Variants in CA1 observed in about 807,000 individuals in gnomAD.
CA1 encodes the protein carbonate dehydratase I.
CA1 carries 27 observed loss-of-function variants against 28.8 expected under a neutral mutation model. The observed-to-expected ratio is 0.94, with a 90% confidence interval of 0.69 to 1.29. The LOEUF (loss-of-function observed/expected upper bound fraction) is 1.29, where lower values mean the gene tolerates loss of function less well. Among genes scored for constraint, CA1 ranks in the 50% most tolerant of loss-of-function variants. The pLI is 0.00. For missense variants in CA1, 335 were observed against 310.5 expected (o/e 1.08, Z -0.59); for synonymous variants, 121 against 108.8 (o/e 1.11, Z -0.70).
intron 1 of CA1, among the ~76,000 whole-genome samples, chr8:85,375,497 C>T (rs1025880032): frequency 3.4e-5 from 5 of 147,798 alleles, no homozygotes; most frequent in Non-Finnish European, 7.5e-5. Context: ...CATAAAATAC[C>T]TGTTTTTTTC....
intron 4 of CA1, 132 bp downstream of exon 4, chr8:85,336,813 G>A: frequency 6.8e-6 from 5 of 732,610 alleles, no homozygotes; most frequent in Non-Finnish European, 1.3e-5. Flanking sequence ...TGATTTTAAT[G>A]GAAACTGGGA....
intron 1 of CA1, among the ~76,000 whole-genome samples, chr8:85,358,882 A>C (rs1271689740): frequency 6.6e-6 from 1 of 152,204 alleles, no homozygotes; most frequent in East Asian, 1.9e-4. Context: ...CCCAGCTGAA[A>C]TTCACTCAGT....
chr8:85,333,473 G>A (rs369081329), intron 5 of CA1, 52 bp downstream of exon 5: 2 of 1,087,032 alleles, frequency 1.8e-6, no homozygotes, highest in Non-Finnish European at 2.9e-6. Flanking sequence ...CTATTTTGAG[G>A]TCTAATTGGT....
chr8:85,352,294 T>G (rs1231025038), intron 1 of CA1, among the ~76,000 whole-genome samples: 1 of 152,134 alleles, frequency 6.6e-6, no homozygotes, highest in Non-Finnish European at 1.5e-5. Flanking sequence ...CCCCGCTACA[T>G]GTTACAAGTG....
At chr8:85,361,125 A>T (rs1251896255) in intron 1 of CA1, among the ~76,000 whole-genome samples, 3 of 152,114 alleles carry the variant, frequency 2.0e-5, no homozygotes, top group Non-Finnish European at 2.9e-5. Flanking sequence ...AATAACTCTG[A>T]GGCTCAGGCC....
chr8:85,366,215 G>A (rs1332793715), intron 1 of CA1, among the ~76,000 whole-genome samples: 1 of 116,080 alleles, frequency 8.6e-6, no homozygotes, highest in Admixed American at 1.0e-4. Context: ...GTCCCACTAT[G>A]TTGCCCAGGC....
At chr8:85,336,721 G>C (rs1289681811) in intron 4 of CA1, among the ~76,000 whole-genome samples, 1 of 152,164 alleles carries the variant, frequency 6.6e-6, no homozygotes, top group Non-Finnish European at 1.5e-5. Context: ...TCAGGGAAAG[G>C]TGAATCTTGG....
chr8:85,366,437 G>A (rs1810011370), intron 1 of CA1, among the ~76,000 whole-genome samples: 1 of 152,134 alleles, frequency 6.6e-6, no homozygotes, highest in Non-Finnish European at 1.5e-5. Context: ...GATCATCTAT[G>A]TGACCACTGT....
In CA1 at chr8:85,347,782, A is replaced by G. The variant is rs140097417; in HGVS notation, c.-24-6123T>C. Among the ~76,000 whole-genome samples the G allele has an allele frequency of 6.7e-3, 1,023 of 152,158 alleles. 13 individuals carry two copies. The highest frequency in any genetic ancestry group is 0.023 in the African/African-American group (953 of 41,536). ...TACTCTTGATACCACTAATTGTACA[A>G]AATTCTTTCTGACATCTTTTATAGT... On this transcript the variant is annotated intron_variant, in intron 1 of 7. Coordinates refer to ENST00000523022, the MANE Select transcript of CA1 (RefSeq NM_001128831.4).
intron 4 of CA1, 144 bp downstream of exon 4, chr8:85,336,801 C>T: frequency 2.8e-6 from 2 of 705,568 alleles, no homozygotes; most frequent in African/African-American, 1.8e-5. Flanking sequence ...TGTGTCTGTG[C>T]TTGATTTTAA....
chr8:85,375,977 A>T (rs1392223499), intron 1 of CA1, among the ~76,000 whole-genome samples: 1 of 152,260 alleles, frequency 6.6e-6, no homozygotes, highest in Non-Finnish European at 1.5e-5. Context: ...GATTGAATTC[A>T]GTCGAGTAGT....
At chr8:85,344,232 TATA>T (rs1809061336) in intron 1 of CA1, among the ~76,000 whole-genome samples, 1 of 103,840 alleles carries the variant, frequency 9.6e-6, no homozygotes, top group African/African-American at 4.8e-5. Flanking sequence ...ATATACAGTA[TATA>T]ATATATAATT....
At chr8:85,351,678 A>G (rs575128787) in intron 1 of CA1, 4 of 152,326 alleles carry the variant, frequency 2.6e-5, no homozygotes, top group Non-Finnish European at 5.9e-5. Context: ...TGTCCGGCCT[A>G]AAGCAACTGA....
chr8:85,370,129 G>A (rs1051106260), intron 1 of CA1, among the ~76,000 whole-genome samples: 1 of 152,182 alleles, frequency 6.6e-6, no homozygotes, highest in East Asian at 1.9e-4. Flanking sequence ...AATAGGTTAG[G>A]ACTGTTCTAG....
intron 1 of CA1, among the ~76,000 whole-genome samples, chr8:85,362,422 A>G (rs1809832262): frequency 6.6e-6 from 1 of 152,170 alleles, no homozygotes; most frequent in Non-Finnish European, 1.5e-5. Flanking sequence ...AAGCAAGGGA[A>G]AACTTCTCAA....
chr8:85,367,589 A>G (rs1448044435), intron 1 of CA1, among the ~76,000 whole-genome samples: 4 of 152,228 alleles, frequency 2.6e-5, no homozygotes, highest in Non-Finnish European at 5.9e-5. Context: ...CTTTGTTAAA[A>G]TACAGATTGC....
At chr8:85,352,259 T>G (rs1333010658) in intron 1 of CA1, among the ~76,000 whole-genome samples, 1 of 152,122 alleles carries the variant, frequency 6.6e-6, no homozygotes, top group Non-Finnish European at 1.5e-5. Context: ...GCACTGAGTG[T>G]GGGAGGGGAG....
In CA1 at chr8:85,338,422, G is replaced by A. The variant is rs772485661; in HGVS notation, c.65C>T (p.Pro22Leu). The A allele has an allele frequency of 5.6e-6, 9 of 1,613,684 alleles. No individual in the cohort carries two copies. The African/African-American group carries it at 1.2e-4, about 22-fold the overall frequency. Residue 22 changes from proline (P) to leucine (L), a missense_variant, in exon 3 of 8, where the codon CCC (proline) becomes CTC (leucine). By Grantham distance (98) the Pro-to-Leu change is moderately conservative (BLOSUM62 -3). Transcript: ENST00000523022. Reference sequence around the variant, plus strand: ...GGACTGGTTATTTCCATTGGCAATGGGATACAGCTTGCTCCATTGTTCAGG... The same window carrying A: ...GGACTGGTTATTTCCATTGGCAATGAGATACAGCTTGCTCCATTGTTCAGG... ...NGPEQWSKLY[P>L]IANGNNQSPV...
At chr8:85,367,304 TCTC>T (rs1053530552) in intron 1 of CA1, among the ~76,000 whole-genome samples, 7 of 152,234 alleles carry the variant, frequency 4.6e-5, no homozygotes, top group Admixed American at 3.9e-4. Context: ...AAATTGGAAA[TCTC>T]CTAACCAGAT....
Sources: allele counts gnomAD v4.1 joint callset (sites outside exome capture counted in the v4.1 genomes callset), GRCh38; gene constraint gnomAD v4.1.1; transcripts MANE v1.5; gene names NCBI Gene and HGNC (gene_info 2026-07-23, HGNC 2026-07-21).